The following MSRA variants were observed in gnomAD, a reference collection of about 807,000 sequenced individuals.
MSRA encodes methionine sulfoxide reductase A.
A neutral mutation model predicts 31.3 loss-of-function variants in MSRA; 54 were observed. That is an observed-to-expected ratio of 1.73 (90% CI 1.39 to 2.17). The LOEUF (loss-of-function observed/expected upper bound fraction) is 2.17. Among genes scored for constraint, MSRA ranks in the 30% most tolerant of loss-of-function variants. The pLI is 0.00. For synonymous variants in MSRA, 169 were observed against 116.5 expected, an observed-to-expected ratio of 1.45 and a Z score of -2.90; for missense variants, 507 against 300.9, an observed-to-expected ratio of 1.69 and a Z score of -5.07.
chr8:10,217,863 C>T (rs12548393), intron 2 of MSRA, among the ~76,000 whole-genome samples: 71,834 of 152,050 alleles, frequency 0.47, 21,277 homozygotes, highest in Non-Finnish European at 0.66. Flanking sequence ...AGCCAGATCG[C>T]GTATACATTG....
intron 1 of MSRA, among the ~76,000 whole-genome samples, chr8:10,176,233 G>A (rs1806037777): frequency 6.6e-6 from 1 of 152,142 alleles, no homozygotes; most frequent in Non-Finnish European, 1.5e-5. Context: ...GAAGTTTCAG[G>A]AGAGCCTGCC....
intron 2 of MSRA, among the ~76,000 whole-genome samples, chr8:10,241,247 G>A (rs1812388228): frequency 6.6e-6 from 1 of 152,054 alleles, no homozygotes; most frequent in Admixed American, 6.6e-5. Context: ...GGTCGATTCT[G>A]GGACTGGGGT....
chr8:10,190,462 A>G (rs916019224), intron 1 of MSRA, among the ~76,000 whole-genome samples: 23 of 152,148 alleles, frequency 1.5e-4, no homozygotes, highest in Admixed American at 4.6e-4. Context: ...TCTGCAATCC[A>G]GAGGGTGATG....
chr8:10,341,536 G>C (rs1183597600), intron 5 of MSRA, among the ~76,000 whole-genome samples: 1 of 152,130 alleles, frequency 6.6e-6, no homozygotes, highest in East Asian at 1.9e-4. Context: ...TTTGGGCAGG[G>C]ACATATATTT....
At chr8:10,118,694 C>T (rs955493543) in intron 1 of MSRA, among the ~76,000 whole-genome samples, 7 of 152,156 alleles carry the variant, frequency 4.6e-5, no homozygotes, top group Non-Finnish European at 5.9e-5. Context: ...ACTTTCTGTT[C>T]TCTCCTCTGA....
At chr8:10,353,541 C>T (rs1361671795) in intron 5 of MSRA, 2 of 453,416 alleles carry the variant, frequency 4.4e-6, no homozygotes, top group Non-Finnish European at 8.9e-6. Context: ...AGCACGACAC[C>T]TGACGTTTCT....
chr8:10,164,238 C>G (rs773282145), intron 1 of MSRA, among the ~76,000 whole-genome samples: 1 of 152,180 alleles, frequency 6.6e-6, no homozygotes, highest in African/African-American at 2.4e-5. Flanking sequence ...TTAATGTTAT[C>G]CTAGTCTTAT....
At chr8:10,092,803 T>C (rs1287058118) in intron 1 of MSRA, among the ~76,000 whole-genome samples, 31 of 152,226 alleles carry the variant, frequency 2.0e-4, no homozygotes, top group Admixed American at 2.0e-3. Flanking sequence ...TTTCCAACTA[T>C]CATTGTTGAA....
At chr8:10,248,980 C>G (rs1021432441) in intron 3 of MSRA, among the ~76,000 whole-genome samples, 8 of 152,262 alleles carry the variant, frequency 5.3e-5, no homozygotes, top group Non-Finnish European at 1.2e-4. Flanking sequence ...TCAGAGTAAC[C>G]TAGTGGAATG....
At chr8:10,321,712 C>G (rs1802052374) in intron 5 of MSRA, among the ~76,000 whole-genome samples, 1 of 152,182 alleles carries the variant, frequency 6.6e-6, no homozygotes, top group African/African-American at 2.4e-5. Context: ...GTAGGGGAAG[C>G]CAGTTGCCAC....
At chr8:10,265,767 C>T (rs1010417561) in intron 3 of MSRA, among the ~76,000 whole-genome samples, 2 of 152,234 alleles carry the variant, frequency 1.3e-5, no homozygotes, top group Non-Finnish European at 2.9e-5. Flanking sequence ...CCCTGCCTTC[C>T]TCACCCCGCA....
intron 1 of MSRA, among the ~76,000 whole-genome samples, chr8:10,139,591 C>T (rs970483665): frequency 1.1e-4 from 17 of 152,220 alleles, no homozygotes; most frequent in African/African-American, 2.7e-4. Flanking sequence ...CATTATTTGG[C>T]TGCCACTTAC....
intron 5 of MSRA, among the ~76,000 whole-genome samples, chr8:10,386,603 A>G (rs1487254320): frequency 6.6e-6 from 1 of 152,136 alleles, no homozygotes; most frequent in African/African-American, 2.4e-5. Flanking sequence ...TTGCCAAGAC[A>G]CAATTGTTGG....
intron 2 of MSRA, among the ~76,000 whole-genome samples, chr8:10,209,186 G>A (rs1809266015): frequency 6.6e-6 from 1 of 152,210 alleles, no homozygotes; most frequent in Non-Finnish European, 1.5e-5. Flanking sequence ...TAAAACGTTT[G>A]ATTTGCTAAC....
At chr8:10,103,160 A>AT (rs1248187996) in intron 1 of MSRA, among the ~76,000 whole-genome samples, 10 of 152,220 alleles carry the variant, frequency 6.6e-5, no homozygotes, top group South Asian at 2.1e-4. Flanking sequence ...TAAGATTTCC[A>AT]TTTTTTTGGT....
chr8:10,130,759 G>A (rs372033260), intron 1 of MSRA, among the ~76,000 whole-genome samples: 6 of 152,058 alleles, frequency 3.9e-5, no homozygotes, highest in African/African-American at 1.2e-4. Flanking sequence ...CAATTCTGGC[G>A]GTCGCTAAGA....
intron 5 of MSRA, among the ~76,000 whole-genome samples, chr8:10,370,422 G>A (rs1168055727): frequency 6.6e-6 from 1 of 152,180 alleles, no homozygotes; most frequent in East Asian, 1.9e-4. Context: ...AGCAAGTTAG[G>A]CAGAGAATGA....
At chr8:10,405,109 C>G (rs367575098) in intron 5 of MSRA, among the ~76,000 whole-genome samples, 7 of 152,298 alleles carry the variant, frequency 4.6e-5, no homozygotes, top group African/African-American at 1.4e-4. Context: ...CATGAGAGCC[C>G]AAGTGCACCG....
chr8:10,158,918 T>G (rs937929999), intron 1 of MSRA, among the ~76,000 whole-genome samples: 1 of 152,230 alleles, frequency 6.6e-6, no homozygotes, highest in Non-Finnish European at 1.5e-5. Context: ...TTATAGCCAC[T>G]CTACTGCGTG....
Sources: gnomAD v4.1 joint callset for allele counts (sites outside exome capture counted in the v4.1 genomes callset) on GRCh38, gnomAD v4.1.1 for gene constraint, MANE v1.5 for transcripts, NCBI Gene and HGNC (gene_info 2026-07-23, HGNC 2026-07-21) for gene names.